The following HTR2A variants were observed in gnomAD, a reference collection of about 807,000 sequenced individuals.
HTR2A encodes 5-hydroxytryptamine receptor 2A.
HTR2A carries 14 observed loss-of-function variants against 31.0 expected under a neutral mutation model. The ratio of observed to expected loss-of-function variants is 0.45; its 90% CI spans 0.30 to 0.71. The LOEUF (loss-of-function observed/expected upper bound fraction) is 0.71, where lower values mean the gene tolerates loss of function less well. Among genes scored for constraint, HTR2A ranks in the 30% least tolerant of loss-of-function variants. HTR2A has a pLI of 0.09. For missense variants in HTR2A, 442 were observed against 573.3 expected (o/e 0.77, Z 2.34); for synonymous variants, 209 against 225.2 (o/e 0.93, Z 0.64).
chr13:46,881,534 G>A (rs922134933), intron 3 of HTR2A, among the ~76,000 whole-genome samples: 1 of 152,180 alleles, frequency 6.6e-6, no homozygotes, highest in African/African-American at 2.4e-5. Context: ...TTCCCCCTAG[G>A]AGAGAAAGTG....
At chr13:46,865,846 T>C (rs1303264680) in intron 3 of HTR2A, among the ~76,000 whole-genome samples, 2 of 152,204 alleles carry the variant, frequency 1.3e-5, no homozygotes, top group Non-Finnish European at 2.9e-5. Flanking sequence ...ATCTCCTGTG[T>C]AGGATACTGA....
intron 3 of HTR2A, among the ~76,000 whole-genome samples, chr13:46,850,684 G>C (rs1450932577): frequency 8.5e-5 from 13 of 152,110 alleles, no homozygotes; most frequent in Admixed American, 8.5e-4. Flanking sequence ...TTTCTGTGGG[G>C]ACAGGCCTCC....
intron 1 of HTR2A, among the ~76,000 whole-genome samples, 153 bp downstream of exon 1, chr13:46,896,521 A>G (rs1951106354): frequency 6.6e-6 from 1 of 152,202 alleles, no homozygotes; most frequent in African/African-American, 2.4e-5. Context: ...TTGCTTAGCT[A>G]ATAAAAGGAA....
At chr13:46,874,955 G>C (rs1950896344) in intron 3 of HTR2A, among the ~76,000 whole-genome samples, 1 of 152,182 alleles carries the variant, frequency 6.6e-6, no homozygotes, top group Non-Finnish European at 1.5e-5. Flanking sequence ...TTCCAGACAG[G>C]ATTGAACATC....
intron 3 of HTR2A, among the ~76,000 whole-genome samples, chr13:46,855,324 C>T (rs929668551): frequency 2.6e-5 from 4 of 152,120 alleles, no homozygotes; most frequent in Non-Finnish European, 5.9e-5. Flanking sequence ...TTCAGTTTTT[C>T]GGTTGAAACA....
intron 3 of HTR2A, among the ~76,000 whole-genome samples, chr13:46,882,010 C>A (rs1950968562): frequency 1.3e-5 from 2 of 151,912 alleles, no homozygotes; most frequent in African/African-American, 4.8e-5. Context: ...TATGTAGTTA[C>A]ATTTGCTTGT....
intron 3 of HTR2A, among the ~76,000 whole-genome samples, chr13:46,890,128 G>C (rs1951040836): frequency 6.6e-6 from 1 of 152,218 alleles, no homozygotes; most frequent in Non-Finnish European, 1.5e-5. Context: ...GGGATCACCT[G>C]AGGTCGGGAG....
chr13:46,867,474 G>C (rs1328676), intron 3 of HTR2A, among the ~76,000 whole-genome samples: 98,437 of 151,638 alleles, frequency 0.65, 32,846 homozygotes, highest in East Asian at 0.95. Context: ...TTATGAGATA[G>C]CTTGGTGCAT....
At chr13:46,887,055 C>T (rs1951011566) in intron 3 of HTR2A, among the ~76,000 whole-genome samples, 1 of 152,102 alleles carries the variant, frequency 6.6e-6, no homozygotes. Flanking sequence ...TAAAAGACTC[C>T]ACTCTGGAGA....
rs1365983498 is a variant in HTR2A, at chr13:46,834,820, C to A, written c.*17G>T. The stretch of plus-strand genomic sequence containing the variant: ...TTGCTCAGTGTGCCTTCCACAGTTG[C>A]CACGGCAACTAGCCTATCACACACA... On this transcript the variant is annotated 3_prime_UTR_variant, in exon 4 of 4. Coordinates refer to ENST00000542664, the MANE Select transcript of HTR2A (RefSeq NM_000621.5). 1.3e-6 allele frequency: 2 copies of A among 1,580,114 alleles called. No individual in the cohort carries two copies. The highest frequency in any genetic ancestry group is 1.7e-6 in the Non-Finnish European group (2 of 1,161,750).
intron 3 of HTR2A, among the ~76,000 whole-genome samples, chr13:46,868,020 A>C (rs1950832413): frequency 6.8e-6 from 1 of 145,988 alleles, no homozygotes; most frequent in Non-Finnish European, 1.5e-5. Context: ...GCACCACTGC[A>C]AAGAGACAGT....
At chr13:46,852,339 G>C (rs1044231693) in intron 3 of HTR2A, 2 of 152,394 alleles carry the variant, frequency 1.3e-5, no homozygotes, top group Non-Finnish European at 2.9e-5. Flanking sequence ...ACTCGCTCTG[G>C]CGCTTGGGCG....
chr13:46,877,893 A>G (rs1379406724), intron 3 of HTR2A, among the ~76,000 whole-genome samples: 1 of 152,072 alleles, frequency 6.6e-6, no homozygotes, highest in Non-Finnish European at 1.5e-5. Context: ...TTCAAGCAGA[A>G]GATTAAAAAA....
chr13:46,878,844 C>T (rs1181315842), intron 3 of HTR2A, among the ~76,000 whole-genome samples: 3 of 152,114 alleles, frequency 2.0e-5, no homozygotes, highest in Non-Finnish European at 4.4e-5. Flanking sequence ...TATACTGCCT[C>T]ACCCCTAAAA....
intron 2 of HTR2A, among the ~76,000 whole-genome samples, chr13:46,892,816 TATGTG>T (rs1475351959): frequency 6.6e-6 from 1 of 152,238 alleles, no homozygotes; most frequent in African/African-American, 2.4e-5. Context: ...TGTCTGGAGT[TATGTG>T]AGTGTGGCAC....
At chr13:46,888,579 A>G (rs962568195) in intron 3 of HTR2A, among the ~76,000 whole-genome samples, 1 of 152,240 alleles carries the variant, frequency 6.6e-6, no homozygotes, top group African/African-American at 2.4e-5. Context: ...AACAAACGAC[A>G]TGATATTCTA....
intron 3 of HTR2A, among the ~76,000 whole-genome samples, chr13:46,873,211 G>A (rs1432139022): frequency 1.3e-5 from 2 of 150,814 alleles, no homozygotes; most frequent in Admixed American, 6.6e-5. Flanking sequence ...CTGTAAAATA[G>A]TTAAAATGTC....
chr13:46,860,377 C>T (rs1950770200), intron 3 of HTR2A, among the ~76,000 whole-genome samples: 2 of 152,172 alleles, frequency 1.3e-5, no homozygotes, highest in Non-Finnish European at 2.9e-5. Context: ...TAAAGCAAAA[C>T]CATAGCCTCA....
At chr13:46,888,485 T>C (rs1280977404) in intron 3 of HTR2A, among the ~76,000 whole-genome samples, 1 of 141,426 alleles carries the variant, frequency 7.1e-6, no homozygotes, top group East Asian at 2.1e-4. Context: ...AAAAAAAAGA[T>C]GACTGTCAAC....
Sources: allele counts gnomAD v4.1 joint callset (sites outside exome capture counted in the v4.1 genomes callset), GRCh38; gene constraint gnomAD v4.1.1; transcripts MANE v1.5; gene names NCBI Gene and HGNC (gene_info 2026-07-23, HGNC 2026-07-21).